The following NIBAN1 variants were observed in gnomAD, a reference collection of about 807,000 sequenced individuals.
NIBAN1 encodes niban apoptosis regulator 1.
Under a neutral mutation model 75.1 loss-of-function variants are expected in NIBAN1, and 81 were observed. The observed-to-expected ratio is 1.08, with a 90% CI of 0.90 to 1.30. The LOEUF (loss-of-function observed/expected upper bound fraction) is 1.30, where lower values mean the gene tolerates loss of function less well. NIBAN1 is among the 50% of genes most tolerant of loss of function. NIBAN1 has a pLI of 0.00. For synonymous variants in NIBAN1, 436 were observed against 424.8 expected (o/e 1.03, Z -0.32); for missense variants, 1,133 against 1,128.1 (o/e 1.00, Z -0.06).
rs559159554 is a variant in NIBAN1 at position 184,861,329 on chromosome 1, G to A, written c.601+23304C>T. Among the ~76,000 whole-genome samples, 10 of 152,254 alleles carry A rather than the reference G, an allele frequency of 6.6e-5. No individual in the cohort carries two copies. In the South Asian group the frequency reaches 1.7e-3, roughly 25 times the overall value. On this transcript the variant is annotated intron_variant, in intron 5 of 13. Transcript: ENST00000367511. ...ATTTCTTGGTGCATCCTTTACACAC[G>A]TATCTCAATTTGTAATTAAATATTT...
chr1:184,794,861 T>C lies in NIBAN1; in HGVS notation c.*116A>G. On this transcript the variant is annotated 3_prime_UTR_variant, in exon 14 of 14. Coordinates refer to ENST00000367511, the MANE Select transcript of NIBAN1 (RefSeq NM_052966.4). The stretch of plus-strand genomic sequence containing the variant: ...GTATGCATTTCCTCTGGTTTTATTA[T>C]TCAAATTAAGAAAATACTTAAAAAT... The C allele has an allele frequency of 1.5e-6, 2 of 1,378,940 alleles. No homozygotes were observed. The highest frequency in any genetic ancestry group is 2.0e-6 in the Non-Finnish European group (2 of 988,164). The allele number at this position is 1,378,940 out of a possible 1,614,324, so 85.4% of individuals were successfully genotyped here. A position where few individuals can be genotyped will look rare whatever the true frequency, so the allele number is the denominator to read the frequency against.
rs1311235316 is a variant in NIBAN1, at chr1:184,792,319, A to G, written c.*2658T>C. The G allele has an allele frequency of 1.3e-5, 2 of 152,364 alleles. No homozygotes were observed. The highest frequency in any genetic ancestry group is 2.9e-5 in the Non-Finnish European group (2 of 68,068). 9.4% of individuals were successfully genotyped at this position (152,364 alleles called of 1,614,324 possible). A position where few individuals can be genotyped will look rare whatever the true frequency, so the allele number is the denominator to read the frequency against. ...GAGTACATCCTGCCAAATAGTGCCC[A>G]GTCCTCCCTGACCTACATGATGGAT... On this transcript the variant is annotated 3_prime_UTR_variant, in exon 14 of 14. Coordinates refer to ENST00000367511, the MANE Select transcript of NIBAN1 (RefSeq NM_052966.4).
At chr1:184,877,682 T>C (rs1160362997) in intron 5 of NIBAN1, among the ~76,000 whole-genome samples, 1 of 152,044 alleles carries the variant, frequency 6.6e-6, no homozygotes, top group East Asian at 1.9e-4. Flanking sequence ...CCAAATAGAG[T>C]CCTTTCATAA....
intron 9 of NIBAN1, among the ~76,000 whole-genome samples, chr1:184,816,000 A>G (rs937492379): frequency 6.6e-6 from 1 of 152,232 alleles, no homozygotes; most frequent in Non-Finnish European, 1.5e-5. Flanking sequence ...AAAATTGGCT[A>G]AACAGAAAAG....
At chr1:184,800,066 G>A (rs1357037822) in intron 12 of NIBAN1, among the ~76,000 whole-genome samples, 1 of 120,174 alleles carries the variant, frequency 8.3e-6, no homozygotes, top group African/African-American at 3.8e-5. Flanking sequence ...TCTAACTGGT[G>A]TGAGATGGTA....
chr1:184,796,393 G>A lies in NIBAN1; in HGVS notation c.1667-296C>T, dbSNP rs963063254. 5.9e-5 allele frequency among the ~76,000 whole-genome samples: 9 copies of A among 152,358 alleles called. No individual in the cohort carries two copies. In the South Asian group the frequency reaches 1.9e-3, roughly 32 times the overall value. ...GTTTTCAAGACACTCAGGGTCTGCAGTAGTGTCACCTGTATCCCTCAGGGA... is the reference window on the plus strand; with the variant it reads ...GTTTTCAAGACACTCAGGGTCTGCAATAGTGTCACCTGTATCCCTCAGGGA... On this transcript the variant is annotated intron_variant, in intron 13 of 13. Coordinates refer to ENST00000367511, the MANE Select transcript of NIBAN1 (RefSeq NM_052966.4).
At chr1:184,899,556 A>G (rs1045363120) in intron 1 of NIBAN1, among the ~76,000 whole-genome samples, 3 of 152,054 alleles carry the variant, frequency 2.0e-5, no homozygotes, top group Admixed American at 2.0e-4. Flanking sequence ...GGCTTCACAG[A>G]CCCTAAGGAC....
intron 5 of NIBAN1, among the ~76,000 whole-genome samples, chr1:184,861,631 AAG>A (rs1655818076): frequency 6.9e-6 from 1 of 145,178 alleles, no homozygotes; most frequent in South Asian, 2.3e-4. Context: ...GAAGGAAGGA[AAG>A]AGAAAAGGAG....
intron 5 of NIBAN1, among the ~76,000 whole-genome samples, chr1:184,842,605 T>C (rs982136382): frequency 6.6e-5 from 10 of 151,922 alleles, no homozygotes; most frequent in Middle Eastern, 3.2e-3. Flanking sequence ...AATGAAAAAT[T>C]AGCCGGGCGT....
At chr1:184,852,811 A>T (rs187224341) in intron 5 of NIBAN1, among the ~76,000 whole-genome samples, 1 of 152,140 alleles carries the variant, frequency 6.6e-6, no homozygotes, top group Admixed American at 6.5e-5. Flanking sequence ...TCTCTCACTC[A>T]TCTTTCTCTG....
chr1:184,916,599 G>A (rs778116381), intron 1 of NIBAN1, among the ~76,000 whole-genome samples: 14 of 151,524 alleles, frequency 9.2e-5, no homozygotes, highest in Middle Eastern at 3.4e-3. Flanking sequence ...TAAAATGAGG[G>A]GTTTTTTTTA....
In NIBAN1 at chr1:184,891,440, C is replaced by G. The variant is rs191736570; in HGVS notation, c.319-1218G>C. Among the ~76,000 whole-genome samples, 315 of 152,270 alleles carry G rather than the reference C, an allele frequency of 2.1e-3. 2 individuals carry two copies. Among genetic ancestry groups the G allele is most frequent in the Admixed American group, 6.1e-3 (94 of 15,288 alleles). On this transcript the variant is annotated intron_variant, in intron 3 of 13. Coordinates refer to ENST00000367511, the MANE Select transcript of NIBAN1 (RefSeq NM_052966.4). ...ACTTGTATGATATTAAGAAGATTTA[C>G]AAGCAATTTGATTTAGACTGGACTC...
chr1:184,899,807 CT>C (rs66802117), intron 1 of NIBAN1, among the ~76,000 whole-genome samples: 33,798 of 100,230 alleles, frequency 0.34, 4,555 homozygotes, highest in South Asian at 0.4. Flanking sequence ...ACATCACTCT[CT>C]TTTTTTTTTT....
At chr1:184,957,263 A>G (rs532443141) in intron 1 of NIBAN1, among the ~76,000 whole-genome samples, 29 of 152,264 alleles carry the variant, frequency 1.9e-4, no homozygotes, top group Non-Finnish European at 3.1e-4. Flanking sequence ...CCCTGGTTTG[A>G]GGGGAGGAGT....
intron 1 of NIBAN1, among the ~76,000 whole-genome samples, chr1:184,938,582 G>C (rs1658017642): frequency 6.6e-6 from 1 of 151,904 alleles, no homozygotes; most frequent in African/African-American, 2.4e-5. Context: ...AAATACAAAA[G>C]TAGGTTTAAC....
chr1:184,968,802 CT>C (rs1658864274), intron 1 of NIBAN1, among the ~76,000 whole-genome samples: 1 of 151,936 alleles, frequency 6.6e-6, no homozygotes, highest in Non-Finnish European at 1.5e-5. Flanking sequence ...AAGTTTCTTT[CT>C]TTCTTTCTTT....
At chr1:184,866,309 T>C (rs1429562131) in intron 5 of NIBAN1, among the ~76,000 whole-genome samples, 1 of 152,136 alleles carries the variant, frequency 6.6e-6, no homozygotes, top group Non-Finnish European at 1.5e-5. Flanking sequence ...TTAAGAAAGG[T>C]GTTCTGGTGG....
intron 1 of NIBAN1, among the ~76,000 whole-genome samples, chr1:184,942,451 T>C (rs1394202556): frequency 1.3e-5 from 2 of 152,218 alleles, no homozygotes; most frequent in Admixed American, 6.5e-5. Context: ...CCCAGCACTC[T>C]GGGAGGCCGA....
Position 184,795,898 on chromosome 1 carries a change from T to C in NIBAN1, c.1866A>G (p.Ser622=), listed in dbSNP as rs1324893953. Residue 622 remains serine (S), a synonymous_variant, in exon 14 of 14, where the codon TCA becomes TCG. Coordinates refer to ENST00000367511, the MANE Select transcript of NIBAN1 (RefSeq NM_052966.4). ...ETLSNEVFQE[S]EEEKQPEVPS... The stretch of plus-strand genomic sequence containing the variant: ...GGACCTCAGGCTGCTTCTCTTCCTC[T>C]GACTCCTGGAATACTTCGTTACTGA... The C allele has an allele frequency of 6.2e-7, 1 of 1,613,890 alleles. No individual in the cohort carries two copies. The highest frequency in any genetic ancestry group is 2.2e-5 in the East Asian group (1 of 44,874).
Sources: allele counts gnomAD v4.1 joint callset (sites outside exome capture counted in the v4.1 genomes callset), GRCh38; gene constraint gnomAD v4.1.1; transcripts MANE v1.5; gene names NCBI Gene and HGNC (gene_info 2026-07-23, HGNC 2026-07-21).